Variants in MAP3K20 observed in about 807,000 individuals in gnomAD.
MAP3K20 encodes HCCS-4.
MAP3K20 carries 40 observed loss-of-function variants against 85.7 expected under a neutral mutation model. That is an observed-to-expected ratio of 0.47 (90% CI 0.36 to 0.61). The LOEUF (loss-of-function observed/expected upper bound fraction) is 0.61, where lower values mean the gene tolerates loss of function less well. Ranked by LOEUF, MAP3K20 falls within the 20% of genes least tolerant of loss-of-function variation. The pLI, the probability that MAP3K20 is intolerant of heterozygous loss-of-function variation, is 0.00. For synonymous variants in MAP3K20, 325 were observed against 327.7 expected, an observed-to-expected ratio of 0.99 and a Z score of 0.09; for missense variants, 817 against 961.7, an observed-to-expected ratio of 0.85 and a Z score of 1.99.
At chr2:173,132,002 G>T (rs538443167) in intron 2 of MAP3K20, among the ~76,000 whole-genome samples, 50 of 152,226 alleles carry the variant, frequency 3.3e-4, no homozygotes, top group African/African-American at 1.2e-3. Flanking sequence ...AAGGTCCCTG[G>T]AATGGAAAGT....
At chr2:173,109,414 C>T (rs1243886822) in intron 2 of MAP3K20, among the ~76,000 whole-genome samples, 8 of 151,962 alleles carry the variant, frequency 5.3e-5, no homozygotes, top group Non-Finnish European at 7.4e-5. Context: ...CAGTACTTGT[C>T]ACCAGTACAT....
intron 11 of MAP3K20, among the ~76,000 whole-genome samples, chr2:173,220,340 CTG>C (rs1280771668): frequency 6.6e-6 from 1 of 152,160 alleles, no homozygotes; most frequent in Non-Finnish European, 1.5e-5. Context: ...TCTGTGACCA[CTG>C]TGAGTGGTGA....
Position 173,241,558 on chromosome 2 carries a change from T to G in MAP3K20, c.1359+2062T>G, listed in dbSNP as rs141561614. ...TGAGCTCAGGAGGTCAAGCCTGCAG[T>G]GAGCCAAAACTGTGCCACTGCACTC... On this transcript the variant is annotated intron_variant, in intron 16 of 19. Transcript: ENST00000375213. Among the ~76,000 whole-genome samples the G allele has an allele frequency of 4.1e-3, 620 of 152,248 alleles. 4 individuals are homozygous for G. Among genetic ancestry groups the G allele is most frequent in the Middle Eastern group, 6.8e-3 (2 of 294 alleles).
chr2:173,190,775 G>A, intron 5 of MAP3K20, 120 bp from the exon 6 acceptor site: 1 of 970,556 alleles, frequency 1.0e-6, no homozygotes, highest in South Asian at 1.7e-5. Context: ...TAAATACATT[G>A]ATTTCACCTT....
At chr2:173,184,458 G>A (rs1690425591) in intron 4 of MAP3K20, among the ~76,000 whole-genome samples, 1 of 152,054 alleles carries the variant, frequency 6.6e-6, no homozygotes, top group Non-Finnish European at 1.5e-5. Context: ...TCCCAGCCTG[G>A]GAAACTCTTC....
chr2:173,193,130 A>G (rs563722864), intron 7 of MAP3K20: 23 of 152,356 alleles, frequency 1.5e-4, no homozygotes, highest in African/African-American at 5.3e-4. Flanking sequence ...GTGGCTCACC[A>G]GGAGCCCACT....
At chr2:173,241,021 G>A (rs145826549) in intron 16 of MAP3K20, among the ~76,000 whole-genome samples, 51 of 152,204 alleles carry the variant, frequency 3.4e-4, no homozygotes, top group African/African-American at 1.0e-3. Context: ...GCAGAAAGAC[G>A]GAAGCTAAAA....
At chr2:173,169,753 A>C in intron 2 of MAP3K20, 52 bp from the exon 3 acceptor site, 4 of 1,547,384 alleles carry the variant, frequency 2.6e-6, no homozygotes, top group Non-Finnish European at 3.5e-6. Flanking sequence ...GTTTTATTTG[A>C]CTATTATAAA....
chr2:173,146,418 T>C (rs1689139077), intron 2 of MAP3K20, among the ~76,000 whole-genome samples: 1 of 152,226 alleles, frequency 6.6e-6, no homozygotes, highest in Non-Finnish European at 1.5e-5. Flanking sequence ...GTGTAATTCA[T>C]ATACCTTGTA....
chr2:173,084,424 C>CAAAAAAA (rs60463346), intron 1 of MAP3K20, among the ~76,000 whole-genome samples: 2 of 136,556 alleles, frequency 1.5e-5, no homozygotes, highest in Non-Finnish European at 3.1e-5. Flanking sequence ...CCAAAAAGTG[C>CAAAAAAA]AAAAAAAAAA....
chr2:173,217,338 T>TCC, intron 11 of MAP3K20, 88 bp downstream of exon 11: 1 of 1,329,898 alleles, frequency 7.5e-7, no homozygotes, highest in Non-Finnish European at 9.7e-7. Context: ...TTCCCCTGCC[T>TCC]CCCGCCGCCC....
At chr2:173,230,068 G>A (rs1485397252) in intron 12 of MAP3K20, among the ~76,000 whole-genome samples, 1 of 152,176 alleles carries the variant, frequency 6.6e-6, no homozygotes, top group Non-Finnish European at 1.5e-5. Context: ...CTGACCTCAA[G>A]TGACGTGCCC....
intron 11 of MAP3K20, chr2:173,224,048 C>T: frequency 1.0e-6 from 1 of 969,838 alleles, no homozygotes; most frequent in Non-Finnish European, 1.2e-6. Flanking sequence ...AAAATCTTTG[C>T]ACTCACAGAG....
chr2:173,109,726 CTG>C (rs1413307426), intron 2 of MAP3K20, among the ~76,000 whole-genome samples: 1 of 152,108 alleles, frequency 6.6e-6, no homozygotes, highest in African/African-American at 2.4e-5. Flanking sequence ...TGGAAGGGCA[CTG>C]GCGCCAGGTA....
At chr2:173,219,681 G>A (rs1330517198) in intron 11 of MAP3K20, among the ~76,000 whole-genome samples, 2 of 152,306 alleles carry the variant, frequency 1.3e-5, no homozygotes, top group Non-Finnish European at 2.9e-5. Context: ...TGAATTATAT[G>A]AAATTAAAGT....
At chr2:173,222,851 A>G in intron 11 of MAP3K20, 4 of 985,394 alleles carry the variant, frequency 4.1e-6, no homozygotes, top group Non-Finnish European at 4.8e-6. Context: ...GAATGTTATC[A>G]CCTGTTTGTC....
At chr2:173,258,655 T>A in intron 16 of MAP3K20, 44 bp from the exon 17 acceptor site, 18 of 1,177,436 alleles carry the variant, frequency 1.5e-5, no homozygotes, top group Admixed American at 1.9e-5. Context: ...AAAAAAAAAA[T>A]TGTTTCACTT....
rs1302041640 is a variant in MAP3K20 at position 173,077,663 on chromosome 2, A to G, written c.-35+1661A>G. 3.3e-5 allele frequency among the ~76,000 whole-genome samples: 5 copies of G among 152,230 alleles called. No individual in the cohort carries two copies. The East Asian group carries it at 5.8e-4, about 18-fold the overall frequency. On this transcript the variant is annotated intron_variant, in intron 1 of 19. Transcript: ENST00000375213. ...ATTGTTTAAATAAAAAAATTTAGTG[A>G]TAATAATTCCAGAGTAAATGACCAT...
At chr2:173,265,251 C>A (rs1685392915) in intron 19 of MAP3K20, among the ~76,000 whole-genome samples, 1 of 152,164 alleles carries the variant, frequency 6.6e-6, no homozygotes, top group Non-Finnish European at 1.5e-5. Flanking sequence ...GCTGGGAGGA[C>A]CACCCAGGAA....
Sources: gnomAD v4.1 joint callset for allele counts (sites outside exome capture counted in the v4.1 genomes callset) on GRCh38, gnomAD v4.1.1 for gene constraint, MANE v1.5 for transcripts, NCBI Gene and HGNC (gene_info 2026-07-23, HGNC 2026-07-21) for gene names.